The following DHRSX variants were observed in gnomAD, a reference collection of about 807,000 sequenced individuals.
The protein encoded by DHRSX is dehydrogenase/reductase X-linked, also known as polyprenol dehydrogenase.
Under a neutral mutation model 34.0 loss-of-function variants are expected in DHRSX, and 31 were observed. That is an observed-to-expected ratio of 0.91 (90% CI 0.69 to 1.23). The LOEUF is 1.23. Ranked by LOEUF, DHRSX falls within the 50% of genes most tolerant of loss-of-function variation. The probability of loss-of-function intolerance (pLI) is 0.00; values close to 1 mark genes in which losing one functional copy is unlikely to be tolerated. For synonymous variants in DHRSX, 201 were observed against 183.8 expected, an observed-to-expected ratio of 1.09 and a Z score of -0.76; for missense variants, 414 against 428.1, an observed-to-expected ratio of 0.97 and a Z score of 0.29.
intron 3 of DHRSX, among the ~76,000 whole-genome samples, chrX:2,294,998 A>G (rs1221632555): frequency 6.6e-6 from 1 of 152,204 alleles, no homozygotes; most frequent in Non-Finnish European, 1.5e-5. Flanking sequence ...TAGTTCAACC[A>G]TTGTGGAAGA....
At chrX:2,419,263 T>G (rs2043740120) in intron 2 of DHRSX, among the ~76,000 whole-genome samples, 1 of 152,140 alleles carries the variant, frequency 6.6e-6, no homozygotes, top group Non-Finnish European at 1.5e-5. Context: ...TTCCACCATG[T>G]GAGGACACAG....
At chrX:2,297,762 GT>G (rs757257087) in intron 3 of DHRSX, among the ~76,000 whole-genome samples, 9,742 of 144,702 alleles carry the variant, frequency 0.067, 478 homozygotes, top group African/African-American at 0.14. Context: ...GTCTTTTTGA[GT>G]TTTTTTTTTT....
chrX:2,302,772 TGACA>T (rs962310824), intron 3 of DHRSX, among the ~76,000 whole-genome samples: 1 of 152,256 alleles, frequency 6.6e-6, no homozygotes, highest in African/African-American at 2.4e-5. Context: ...TAAAAAATAA[TGACA>T]GTCATTTAAG....
chrX:2,402,883 C>CTTTTTTTT (rs758977585), intron 3 of DHRSX, among the ~76,000 whole-genome samples: 3 of 117,742 alleles, frequency 2.5e-5, no homozygotes, highest in Non-Finnish European at 5.3e-5. Flanking sequence ...TAATTGGTTT[C>CTTTTTTTT]TTTTTTTTTT....
chrX:2,247,998 G>A (rs973946884), intron 5 of DHRSX, among the ~76,000 whole-genome samples: 1 of 151,908 alleles, frequency 6.6e-6, no homozygotes, highest in Non-Finnish European at 1.5e-5. Flanking sequence ...ATAAAAACTC[G>A]CCATAAAGAA....
chrX:2,399,406 T>TAA (rs776224649), intron 3 of DHRSX, among the ~76,000 whole-genome samples: 45,321 of 141,982 alleles, frequency 0.32, 7,167 homozygotes, highest in Middle Eastern at 0.38. Flanking sequence ...ATTTTATGTT[T>TAA]AAAAAAAAAA....
At position 2,349,855 on chromosome X, in the gene DHRSX, G is replaced by A. The variant is rs972381160; in HGVS notation, c.287-58252C>T. Among the ~76,000 whole-genome samples, 48 of 149,060 alleles carry A rather than the reference G, an allele frequency of 3.2e-4. 1 individual carries two copies. Among genetic ancestry groups the A allele is most frequent in the Admixed American group, 4.8e-4 (7 of 14,664 alleles). ...AGATCGAGACCATCCTGGCTAACAGGGTGAAACCCCGTTTCCACTAAAAAT... is the reference window on the plus strand; with the variant it reads ...AGATCGAGACCATCCTGGCTAACAGAGTGAAACCCCGTTTCCACTAAAAAT... On this transcript the variant is annotated intron_variant, in intron 3 of 6. Coordinates refer to ENST00000334651, the MANE Select transcript of DHRSX (RefSeq NM_145177.3).
intron 3 of DHRSX, among the ~76,000 whole-genome samples, chrX:2,318,720 G>A (rs1251367303): frequency 5.3e-5 from 8 of 152,016 alleles, no homozygotes; most frequent in Non-Finnish European, 8.8e-5. Flanking sequence ...CCCTTGTTTC[G>A]CACAGAATCA....
chrX:2,401,658 G>A (rs2043487411), intron 3 of DHRSX, among the ~76,000 whole-genome samples: 1 of 152,162 alleles, frequency 6.6e-6, no homozygotes, highest in Non-Finnish European at 1.5e-5. Flanking sequence ...TTTGAACACG[G>A]CTATGCCTTT....
At chrX:2,478,924 C>T (rs1345783773) in intron 1 of DHRSX, among the ~76,000 whole-genome samples, 5 of 151,712 alleles carry the variant, frequency 3.3e-5, no homozygotes, top group African/African-American at 1.2e-4. Flanking sequence ...CCGCCATGTA[C>T]GCACTGAAGA....
In DHRSX at chrX:2,434,833, G is replaced by A. The variant is rs138773279; in HGVS notation, c.110-9529C>T. ...GAATCAAAAACCATTTAGTTTCATC[G>A]CCATTTTATAAAAGACTTTTTGCAG... On this transcript the variant is annotated intron_variant, in intron 1 of 6. Coordinates refer to ENST00000334651, the MANE Select transcript of DHRSX (RefSeq NM_145177.3). Among the ~76,000 whole-genome samples the A allele has an allele frequency of 2.2e-3, 331 of 152,070 alleles. 1 individual carries two copies. The highest frequency in any genetic ancestry group is 7.5e-3 in the African/African-American group (310 of 41,460).
intron 3 of DHRSX, among the ~76,000 whole-genome samples, chrX:2,369,148 T>C (rs1410838062): frequency 6.6e-6 from 1 of 152,100 alleles, no homozygotes; most frequent in Non-Finnish European, 1.5e-5. Flanking sequence ...TCAATGAGTT[T>C]AAGAGCTTTG....
intron 3 of DHRSX, among the ~76,000 whole-genome samples, chrX:2,391,417 C>T (rs1207216092): frequency 6.6e-6 from 1 of 152,166 alleles, no homozygotes; most frequent in Admixed American, 6.5e-5. Flanking sequence ...CACCAGTATG[C>T]ACCAAGGCAT....
chrX:2,225,166 TCA>T (rs35599283), intron 6 of DHRSX, among the ~76,000 whole-genome samples: 54,065 of 146,804 alleles, frequency 0.37, 10,631 homozygotes, highest in East Asian at 0.76. Flanking sequence ...TCACATGCAC[TCA>T]CACACGCACA....
At chrX:2,414,268 AC>A (rs2043667139) in intron 2 of DHRSX, among the ~76,000 whole-genome samples, 1 of 151,872 alleles carries the variant, frequency 6.6e-6, no homozygotes, top group Non-Finnish European at 1.5e-5. Context: ...CTACATCATA[AC>A]CTAACTCAAC....
At chrX:2,442,239 T>C (rs185247161) in intron 1 of DHRSX, among the ~76,000 whole-genome samples, 158 of 150,492 alleles carry the variant, frequency 1.0e-3, no homozygotes, top group African/African-American at 3.6e-3. Flanking sequence ...ATCCTAAAGG[T>C]CTCCATCCTC....
chrX:2,478,229 G>C (rs951516393), intron 1 of DHRSX, among the ~76,000 whole-genome samples: 1 of 152,190 alleles, frequency 6.6e-6, no homozygotes, highest in African/African-American at 2.4e-5. Context: ...ATGGCGAGGT[G>C]CAGAGAGGAG....
At chrX:2,295,196 T>C (rs1680475716) in intron 3 of DHRSX, among the ~76,000 whole-genome samples, 1 of 152,056 alleles carries the variant, frequency 6.6e-6, no homozygotes, top group Non-Finnish European at 1.5e-5. Context: ...AATGATAGAC[T>C]GGATAAAGAA....
Position 2,274,227 on chromosome X carries a change from G to A in DHRSX, c.389-7280C>T, listed in dbSNP as rs138344251. ...TATTTTTTGTATTTTTAGTAGAGAC[G>A]GGGTTTCACCATGTTGGCCAGGCTG... On this transcript the variant is annotated intron_variant, in intron 4 of 6. Transcript: ENST00000334651. Among the ~76,000 whole-genome samples the A allele has an allele frequency of 1.2e-3, 184 of 151,620 alleles. 3 individuals carry two copies. In the East Asian group the frequency reaches 0.029, roughly 24 times the overall value.
Sources: gnomAD v4.1 joint callset for allele counts (sites outside exome capture counted in the v4.1 genomes callset) on GRCh38, gnomAD v4.1.1 for gene constraint, MANE v1.5 for transcripts, NCBI Gene and HGNC (gene_info 2026-07-23, HGNC 2026-07-21) for gene names.